The following FILIP1 variants were observed in gnomAD, a reference collection of about 807,000 sequenced individuals.
The protein encoded by FILIP1 is filamin A interacting protein 1, also known as filamin-A-interacting protein 1.
A neutral mutation model predicts 102.1 loss-of-function variants in FILIP1; 61 were observed. The observed-to-expected ratio is 0.60, with a 90% CI of 0.49 to 0.74. The LOEUF (loss-of-function observed/expected upper bound fraction) is 0.74. Among genes scored for constraint, FILIP1 ranks in the 30% least tolerant of loss-of-function variants. The pLI is 0.00. For synonymous variants in FILIP1, 491 were observed against 526.9 expected, an observed-to-expected ratio of 0.93 and a Z score of 0.93; for missense variants, 1,314 against 1,441.2, an observed-to-expected ratio of 0.91 and a Z score of 1.43.
At chr6:75,475,411 A>G (rs2149770285) in intron 1 of FILIP1, among the ~76,000 whole-genome samples, 1 of 152,286 alleles carries the variant, frequency 6.6e-6, no homozygotes, top group East Asian at 1.9e-4. Context: ...AGCTCACAGT[A>G]CTGGTTGTAT....
At chr6:75,345,945 G>A (rs963393631) in intron 4 of FILIP1, among the ~76,000 whole-genome samples, 32 of 152,130 alleles carry the variant, frequency 2.1e-4, no homozygotes, top group African/African-American at 7.0e-4. Flanking sequence ...GGTGGTGGTG[G>A]TGGTTATAAA....
chr6:75,319,418 T>C lies in FILIP1; in HGVS notation c.630-4216A>G. The C allele has an allele frequency of 9.6e-6, 6 of 624,550 alleles. 2 individuals carry two copies. The highest frequency in any genetic ancestry group is 8.2e-5 in the South Asian group (6 of 72,860). The allele number at this position is 624,550 out of a possible 1,614,324, so 38.7% of individuals were successfully genotyped here. A position where few individuals can be genotyped will look rare whatever the true frequency, so the allele number is the denominator to read the frequency against. On this transcript the variant is annotated intron_variant, in intron 4 of 5. Transcript: ENST00000237172. ...CCTTGAACTTCTTTTTTGTCTCCCC[T>C]TTAGGAGGGCTATAGATTTCATTTC...
intron 1 of FILIP1, among the ~76,000 whole-genome samples, chr6:75,442,738 A>C (rs1582515580): frequency 6.8e-6 from 1 of 147,580 alleles, no homozygotes; most frequent in Non-Finnish European, 1.5e-5. Flanking sequence ...TCAGAGGGAG[A>C]CCGTGGGGAG....
chr6:75,337,544 CTT>C (rs112013774), intron 4 of FILIP1, among the ~76,000 whole-genome samples: 8 of 144,850 alleles, frequency 5.5e-5, no homozygotes, highest in Non-Finnish European at 9.2e-5. Flanking sequence ...TCTCACAAAA[CTT>C]TTTTTTTTTT....
At chr6:75,468,496 C>T (rs547690776) in intron 1 of FILIP1, among the ~76,000 whole-genome samples, 2 of 152,210 alleles carry the variant, frequency 1.3e-5, no homozygotes, top group African/African-American at 2.4e-5. Flanking sequence ...ATAGAATACT[C>T]GACAAGCAGG....
rs749124321 is a variant in FILIP1, at chr6:75,314,434, C to T, written c.1398G>A (p.Leu466=). ...TCTTGACCACCTCCAATTCATTTAG[C>T]AGGTCTTTGGTTAAGTTCTTTTCTT... ...LEKEKNLTKD[L]LNELEVVKSR... The change falls in exon 5 of 6, where the codon CTG becomes CTA. Residue 466 remains leucine (L), a synonymous_variant. Coordinates refer to ENST00000237172, the MANE Select transcript of FILIP1 (RefSeq NM_015687.5). The T allele has an allele frequency of 3.8e-6, 6 of 1,566,418 alleles. No individual in the cohort carries two copies. The highest frequency in any genetic ancestry group is 5.2e-6 in the Non-Finnish European group (6 of 1,163,134).
chr6:75,428,163 C>A lies in FILIP1; in HGVS notation c.-6-13185G>T, dbSNP rs1469600939. 3.3e-5 allele frequency among the ~76,000 whole-genome samples: 5 copies of A among 152,142 alleles called. No individual in the cohort carries two copies. In the South Asian group the frequency reaches 6.2e-4, roughly 19 times the overall value. Reference sequence around the variant, plus strand: ...TCCCCTTTTCTTTGCTAAGTGCCAGCCTCCTTGTTTGAGTCTCAGTCCAAT... The same window carrying A: ...TCCCCTTTTCTTTGCTAAGTGCCAGACTCCTTGTTTGAGTCTCAGTCCAAT... On this transcript the variant is annotated intron_variant, in intron 1 of 5. Transcript: ENST00000237172.
intron 4 of FILIP1, among the ~76,000 whole-genome samples, chr6:75,346,191 T>C (rs1774576723): frequency 6.6e-6 from 1 of 152,194 alleles, no homozygotes; most frequent in Non-Finnish European, 1.5e-5. Flanking sequence ...GTGGTGTATT[T>C]TAAATTTTTT....
intron 1 of FILIP1, among the ~76,000 whole-genome samples, chr6:75,488,262 G>C (rs116088950): frequency 0.01 from 1,594 of 152,174 alleles, 26 homozygotes; most frequent in African/African-American, 0.037. Context: ...TCTGCAATCA[G>C]CTGGTTAACA....
intron 4 of FILIP1, among the ~76,000 whole-genome samples, chr6:75,346,061 T>C (rs1053648266): frequency 2.6e-5 from 4 of 152,216 alleles, no homozygotes; most frequent in African/African-American, 9.7e-5. Context: ...TAAAACGTGA[T>C]CAGAACTGAC....
At chr6:75,340,402 T>C (rs1426092422) in intron 4 of FILIP1, among the ~76,000 whole-genome samples, 1 of 152,142 alleles carries the variant, frequency 6.6e-6, no homozygotes, top group Non-Finnish European at 1.5e-5. Context: ...TTCCCAGCGT[T>C]TACAAATAAA....
chr6:75,468,211 G>C (rs1779226438), intron 1 of FILIP1, among the ~76,000 whole-genome samples: 2 of 152,156 alleles, frequency 1.3e-5, no homozygotes, highest in African/African-American at 4.8e-5. Context: ...CAGCCTGCCG[G>C]AGCACATAGA....
chr6:75,422,900 G>T (rs1436248791), intron 1 of FILIP1, among the ~76,000 whole-genome samples: 1 of 152,098 alleles, frequency 6.6e-6, no homozygotes, highest in Non-Finnish European at 1.5e-5. Context: ...CTATGGAAAT[G>T]ATGTTACAAA....
chr6:75,294,438 C>CT (rs1013772206), exon 7 of FILIP1: 1 of 151,472 alleles, frequency 6.6e-6, no homozygotes, highest in Non-Finnish European at 1.5e-5. Flanking sequence ...TATTAACAGT[C>CT]TTTAAAAAAA....
intron 4 of FILIP1, among the ~76,000 whole-genome samples, chr6:75,321,174 T>C (rs1250756074): frequency 6.6e-6 from 1 of 152,208 alleles, no homozygotes; most frequent in African/African-American, 2.4e-5. Flanking sequence ...TCCCAAAGTG[T>C]TGGGATTACA....
chr6:75,366,968 G>A (rs1057384227), intron 2 of FILIP1, among the ~76,000 whole-genome samples: 4 of 152,072 alleles, frequency 2.6e-5, no homozygotes, highest in Non-Finnish European at 4.4e-5. Flanking sequence ...ACAAGATAAT[G>A]CAAATAAAGT....
rs564069909 is a variant in FILIP1, at chr6:75,369,782, C to A, written c.277-6865G>T. On this transcript the variant is annotated intron_variant, in intron 2 of 5. Coordinates refer to ENST00000237172, the MANE Select transcript of FILIP1 (RefSeq NM_015687.5). ...TAAGTAGTTTAAAACTCAGAATATTCATACAATTTTAATATTCACCTGAGT... is the reference window on the plus strand; with the variant it reads ...TAAGTAGTTTAAAACTCAGAATATTAATACAATTTTAATATTCACCTGAGT... 5.9e-5 allele frequency among the ~76,000 whole-genome samples: 9 copies of A among 152,250 alleles called. No homozygotes were observed. The South Asian group carries it at 1.9e-3, about 32-fold the overall frequency.
rs2149546316 is a variant in FILIP1 at position 75,312,512 on chromosome 6, G to A, written c.3320C>T (p.Thr1107Ile). 6.2e-7 allele frequency: 1 copy of A among 1,614,212 alleles called. No individual in the cohort carries two copies. The highest frequency in any genetic ancestry group is 1.1e-5 in the South Asian group (1 of 91,082). The change falls in exon 5 of 6, where the codon ACT becomes ATT. Residue 1107 changes from threonine to isoleucine, a missense_variant. This residue lies in a region of FILIP1 where 816 missense variants were observed against 913.1 expected (regional missense o/e 0.89). Coordinates refer to ENST00000237172, the MANE Select transcript of FILIP1 (RefSeq NM_015687.5). ...VTAEKEVSTG[T>I]VLRSPRNHLS... ...GTGATTCCTGGGAGAGCGAAGGACA[G>A]TGCCGGTGGAAACCTCCTTTTCGGC... is the stretch of plus-strand genomic sequence containing the variant.
intron 1 of FILIP1, among the ~76,000 whole-genome samples, chr6:75,456,565 C>CTT (rs145044469): frequency 5.6e-5 from 8 of 141,650 alleles, no homozygotes; most frequent in South Asian, 2.2e-4. Context: ...TTTTTCTTTT[C>CTT]TTTTTTTTTT....
Sources: allele counts gnomAD v4.1 joint callset (sites outside exome capture counted in the v4.1 genomes callset), GRCh38; gene constraint gnomAD v4.1.1; regional missense constraint gnomAD v4.1.1; transcripts MANE v1.5; gene names NCBI Gene and HGNC (gene_info 2026-07-23, HGNC 2026-07-21).